MAP3K7: variants seen among roughly 807,000 people sequenced by gnomAD.
MAP3K7 encodes TGF-beta activated kinase 1.
A neutral mutation model predicts 84.8 loss-of-function variants in MAP3K7; 21 were observed. The observed-to-expected ratio is 0.25, with a 90% CI of 0.18 to 0.36. The LOEUF (loss-of-function observed/expected upper bound fraction) is 0.36, where lower values mean the gene tolerates loss of function less well. Ranked by LOEUF, MAP3K7 falls within the 10% of genes least tolerant of loss-of-function variation. MAP3K7 has a pLI of 1.00. For synonymous variants in MAP3K7, 241 were observed against 247.7 expected, an observed-to-expected ratio of 0.97 and a Z score of 0.25; for missense variants, 503 against 747.7, an observed-to-expected ratio of 0.67 and a Z score of 3.82.
intron 1 of MAP3K7, among the ~76,000 whole-genome samples, chr6:90,573,273 T>C (rs1198774160): frequency 6.6e-6 from 1 of 152,186 alleles, no homozygotes; most frequent in Non-Finnish European, 1.5e-5. Context: ...AGTTAGTATC[T>C]TCCCTTGGAG....
At position 90,550,529 on chromosome 6, in the gene MAP3K7, C is replaced by T. The variant is rs751775024; in HGVS notation, c.888G>A (p.Glu296=). 6.2e-7 allele frequency: 1 copy of T among 1,610,014 alleles called. No homozygotes were observed. The highest frequency in any genetic ancestry group is 8.5e-7 in the Non-Finnish European group (1 of 1,177,178). Residue 296 remains glutamate, a synonymous_variant, in exon 9 of 17, where the codon GAG becomes GAA. Transcript: ENST00000369329. ...HLMRYFPGAD[E]PLQYPCQYSD... is the part of the protein sequence containing the mutation. ...AATACTGACAAGGATACTGTAATGG[C>T]TCATCTGCTCCTGGAAAGTACTATA...
In MAP3K7 at chr6:90,564,288, G is replaced by A. The variant is rs1415407315; in HGVS notation, c.298-2621C>T. 2.6e-5 allele frequency among the ~76,000 whole-genome samples: 4 copies of A among 152,276 alleles called. No individual in the cohort carries two copies. In the East Asian group the frequency reaches 7.7e-4, roughly 29 times the overall value. ...CACAGACTGGCAAATTGGATAGAGA[G>A]TCAAGACCAGTAAGTGTGCTGTATT... is the stretch of plus-strand genomic sequence containing the variant. On this transcript the variant is annotated intron_variant, in intron 3 of 16. Transcript: ENST00000369329.
At chr6:90,550,591 T>A in intron 8 of MAP3K7, 42 bp from the exon 9 acceptor site, 1 of 1,260,550 alleles carries the variant, frequency 7.9e-7, no homozygotes, top group Middle Eastern at 1.9e-4. Context: ...ATTTCCTTAA[T>A]ACAAATTAAA....
At chr6:90,522,702 T>A (rs1249194759) in intron 14 of MAP3K7, among the ~76,000 whole-genome samples, 1 of 152,108 alleles carries the variant, frequency 6.6e-6, no homozygotes, top group South Asian at 2.1e-4. Context: ...CTATCTTACA[T>A]GACACACAGA....
chr6:90,517,934 A>AT (rs1775020951), intron 16 of MAP3K7, among the ~76,000 whole-genome samples: 1 of 151,778 alleles, frequency 6.6e-6, no homozygotes, highest in Admixed American at 6.6e-5. Context: ...AAAACTGAAG[A>AT]TACATACATA....
At chr6:90,518,631 A>G (rs938042877) in intron 15 of MAP3K7, 69 bp from the exon 16 acceptor site, 3 of 788,400 alleles carry the variant, frequency 3.8e-6, no homozygotes, top group Non-Finnish European at 6.6e-6. Context: ...ATGAGAGTCA[A>G]GACAGAGACT....
chr6:90,516,541 A>T lies in MAP3K7; in HGVS notation c.1781T>A (p.Val594Asp). 2 of 1,612,070 alleles carry T rather than the reference A, an allele frequency of 1.2e-6. No individual in the cohort carries two copies. Among genetic ancestry groups the T allele is most frequent in the Non-Finnish European group, 1.7e-6 (2 of 1,178,924 alleles). ...TCGTTTCTGCTGCTGACTTCTGATG[A>T]CCTCTAGTTGTTTTTTGCATTGCTG... ...YYQQCKKQLE[V>D]IRSQQQKRQG... The change falls in exon 17 of 17, where the codon GTC becomes GAC. Residue 594 changes from valine (V) to aspartate (D), a missense_variant. Coordinates refer to ENST00000369329, the MANE Select transcript of MAP3K7 (RefSeq NM_145331.3).
intron 3 of MAP3K7, among the ~76,000 whole-genome samples, chr6:90,565,563 A>G (rs1036793510): frequency 2.0e-5 from 3 of 152,232 alleles, no homozygotes; most frequent in Non-Finnish European, 4.4e-5. Flanking sequence ...AAATTGAGGC[A>G]ATAATGAATA....
intron 12 of MAP3K7, 91 bp from the exon 13 acceptor site, chr6:90,536,492 G>T: frequency 1.2e-6 from 1 of 815,044 alleles, no homozygotes; most frequent in Non-Finnish European, 1.9e-6. Flanking sequence ...GGAATTTGTT[G>T]CTCCTTGGAT....
chr6:90,534,202 G>A (rs1463784794), intron 13 of MAP3K7, among the ~76,000 whole-genome samples: 1 of 152,130 alleles, frequency 6.6e-6, no homozygotes, highest in Non-Finnish European at 1.5e-5. Flanking sequence ...AAAAAGGATG[G>A]CACCTTCCAA....
At chr6:90,562,532 G>A (rs776424875) in intron 3 of MAP3K7, among the ~76,000 whole-genome samples, 33 of 152,318 alleles carry the variant, frequency 2.2e-4, no homozygotes, top group South Asian at 1.4e-3. Context: ...GGAGAGGGGC[G>A]TCTACCATTG....
intron 13 of MAP3K7, among the ~76,000 whole-genome samples, chr6:90,532,166 A>ACTCAATATGC (rs1398483827): frequency 1.1e-4 from 17 of 152,316 alleles, no homozygotes; most frequent in Non-Finnish European, 2.1e-4. Flanking sequence ...TATTAATATC[A>ACTCAATATGC]CTCAATATGC....
chr6:90,527,411 C>T (rs1055674188), intron 13 of MAP3K7, among the ~76,000 whole-genome samples: 7 of 151,840 alleles, frequency 4.6e-5, no homozygotes, highest in South Asian at 2.1e-4. Flanking sequence ...CACATGCTCA[C>T]GGCACCATGC....
intron 12 of MAP3K7, among the ~76,000 whole-genome samples, chr6:90,540,609 T>C (rs1210906721): frequency 6.6e-6 from 1 of 152,084 alleles, no homozygotes; most frequent in East Asian, 1.9e-4. Context: ...GTGGTAAGTA[T>C]ATATGTATAT....
chr6:90,514,419 C>G lies in MAP3K7; in HGVS notation c.*2082G>C, dbSNP rs1774892012. The G allele has an allele frequency of 6.6e-6, 1 of 152,002 alleles. No homozygotes were observed. The highest frequency in any genetic ancestry group is 6.6e-5 in the Admixed American group (1 of 15,226). The allele number at this position is 152,002 out of a possible 1,614,324, so 9.4% of individuals were successfully genotyped here. On this transcript the variant is annotated 3_prime_UTR_variant, in exon 17 of 17. Coordinates refer to ENST00000369329, the MANE Select transcript of MAP3K7 (RefSeq NM_145331.3). Reference sequence around the variant, plus strand: ...AGTACTGAAAATCTCAAGGAACTTACTGTAAACAAACAAGCAACTGTTCAA... The same window carrying G: ...AGTACTGAAAATCTCAAGGAACTTAGTGTAAACAAACAAGCAACTGTTCAA...
chr6:90,576,709 T>C (rs1777095755), intron 1 of MAP3K7, among the ~76,000 whole-genome samples: 1 of 152,184 alleles, frequency 6.6e-6, no homozygotes, highest in African/African-American at 2.4e-5. Flanking sequence ...TGTGTGTGTA[T>C]ACACACATGT....
At chr6:90,546,500 G>A (rs757761924) in intron 11 of MAP3K7, among the ~76,000 whole-genome samples, 4 of 151,952 alleles carry the variant, frequency 2.6e-5, no homozygotes, top group East Asian at 3.9e-4. Context: ...CAACAGAAAC[G>A]TGTTTACTTT....
intron 11 of MAP3K7, 51 bp from the exon 12 acceptor site, chr6:90,544,683 C>T (rs951131582): frequency 4.2e-6 from 6 of 1,422,630 alleles, no homozygotes; most frequent in Non-Finnish European, 6.0e-6. Context: ...CAAACAGTAA[C>T]ACGGAAAATG....
At chr6:90,536,442 C>A in intron 12 of MAP3K7, 41 bp from the exon 13 acceptor site, 3 of 1,482,772 alleles carry the variant, frequency 2.0e-6, no homozygotes, top group South Asian at 2.3e-5. Flanking sequence ...AAAATCTAGT[C>A]AAACAGACAA....
Sources: gnomAD v4.1 joint callset for allele counts (sites outside exome capture counted in the v4.1 genomes callset) on GRCh38, gnomAD v4.1.1 for gene constraint, MANE v1.5 for transcripts, NCBI Gene and HGNC (gene_info 2026-07-23, HGNC 2026-07-21) for gene names.